Variants in MSRA observed in about 807,000 individuals in gnomAD.
MSRA encodes methionine sulfoxide reductase A.
MSRA carries 54 observed loss-of-function variants against 31.3 expected under a neutral mutation model. The ratio of observed to expected loss-of-function variants is 1.73; its 90% CI spans 1.39 to 2.17. The LOEUF is 2.17. Ranked by LOEUF, MSRA falls within the 30% of genes most tolerant of loss-of-function variation. The pLI, the probability that MSRA is intolerant of heterozygous loss-of-function variation, is 0.00. For synonymous variants in MSRA, 169 were observed against 116.5 expected (o/e 1.45, Z -2.90); for missense variants, 507 against 300.9 (o/e 1.69, Z -5.07).
chr8:10,331,958 C>T (rs1179845841), intron 5 of MSRA, among the ~76,000 whole-genome samples: 4 of 152,180 alleles, frequency 2.6e-5, no homozygotes, highest in East Asian at 3.9e-4. Flanking sequence ...TACGGAGGGC[C>T]GACTGTATCA....
At chr8:10,089,511 C>T (rs550703114) in intron 1 of MSRA, among the ~76,000 whole-genome samples, 28 of 152,322 alleles carry the variant, frequency 1.8e-4, no homozygotes, top group African/African-American at 6.7e-4. Flanking sequence ...TAGAAAGCAG[C>T]ATCTTGTCCA....
chr8:10,237,717 G>A (rs570800829), intron 2 of MSRA, among the ~76,000 whole-genome samples: 32 of 152,218 alleles, frequency 2.1e-4, no homozygotes, highest in African/African-American at 7.2e-4. Flanking sequence ...AGTAATCTTC[G>A]AGTCAGCCAT....
At chr8:10,285,463 C>G (rs1156699984) in intron 3 of MSRA, among the ~76,000 whole-genome samples, 1 of 152,124 alleles carries the variant, frequency 6.6e-6, no homozygotes, top group Non-Finnish European at 1.5e-5. Flanking sequence ...GCATATCCAT[C>G]ACCTCAGACG....
At chr8:10,391,758 T>A (rs4433149) in intron 5 of MSRA, among the ~76,000 whole-genome samples, 60,226 of 152,048 alleles carry the variant, frequency 0.4, 13,073 homozygotes, top group Non-Finnish European at 0.5. Flanking sequence ...AAGAAGAGCA[T>A]TTCATGTCCT....
intron 1 of MSRA, among the ~76,000 whole-genome samples, chr8:10,171,487 G>C (rs1352082077): frequency 6.6e-6 from 1 of 151,880 alleles, no homozygotes; most frequent in Non-Finnish European, 1.5e-5. Flanking sequence ...AGAAAACAAG[G>C]GCCTTACACC....
At chr8:10,092,219 C>A (rs987436834) in intron 1 of MSRA, among the ~76,000 whole-genome samples, 1 of 151,898 alleles carries the variant, frequency 6.6e-6, no homozygotes. Flanking sequence ...TGTGATTTTT[C>A]CTTTCTTTTT....
At chr8:10,104,539 C>T (rs1032290098) in intron 1 of MSRA, among the ~76,000 whole-genome samples, 21 of 151,982 alleles carry the variant, frequency 1.4e-4, no homozygotes, top group South Asian at 2.1e-4. Flanking sequence ...TTTTGATTGG[C>T]GACTGGTTGA....
intron 1 of MSRA, among the ~76,000 whole-genome samples, chr8:10,124,059 G>A (rs1480480088): frequency 6.6e-6 from 1 of 152,102 alleles, no homozygotes; most frequent in East Asian, 2.0e-4. Context: ...AGAGGTCGAG[G>A]GGCTTCTGGT....
chr8:10,147,551 G>A (rs755392470), intron 1 of MSRA, among the ~76,000 whole-genome samples: 3 of 152,160 alleles, frequency 2.0e-5, no homozygotes, highest in Non-Finnish European at 2.9e-5. Context: ...TACGGGTGAC[G>A]CCAACCAACC....
At chr8:10,358,380 ATTCTC>A (rs1804633159) in intron 5 of MSRA, among the ~76,000 whole-genome samples, 1 of 151,988 alleles carries the variant, frequency 6.6e-6, no homozygotes, top group African/African-American at 2.4e-5. Context: ...TAATCCCTCT[ATTCTC>A]TTGTTTCCCC....
Position 10,187,027 on chromosome 8 carries a change from C to A in MSRA, c.143-20806C>A, listed in dbSNP as rs545564532. On this transcript the variant is annotated intron_variant, in intron 1 of 5. Coordinates refer to ENST00000317173, the MANE Select transcript of MSRA (RefSeq NM_012331.5). ...TTCTGTACAATTTCATGAAGTGTTTCTTTCAATTGGGACTTACTTTGAGCT... is the reference window on the plus strand; with the variant it reads ...TTCTGTACAATTTCATGAAGTGTTTATTTCAATTGGGACTTACTTTGAGCT... Among the ~76,000 whole-genome samples, 3 of 152,236 alleles carry A rather than the reference C, an allele frequency of 2.0e-5. No homozygotes were observed. The South Asian group carries it at 6.2e-4, about 32-fold the overall frequency.
intron 1 of MSRA, among the ~76,000 whole-genome samples, chr8:10,076,082 A>G (rs1468509047): frequency 1.9e-5 from 2 of 104,074 alleles, no homozygotes; most frequent in Non-Finnish European, 5.1e-5. Flanking sequence ...GCTGTGCGTC[A>G]TGTGCTTACT....
chr8:10,233,729 C>G (rs73662806), intron 2 of MSRA, among the ~76,000 whole-genome samples: 97 of 152,192 alleles, frequency 6.4e-4, no homozygotes, highest in African/African-American at 2.2e-3. Flanking sequence ...AAAGGGAGTT[C>G]TGGAGAAATA....
intron 1 of MSRA, among the ~76,000 whole-genome samples, chr8:10,079,284 A>G (rs1042899110): frequency 6.6e-6 from 1 of 151,942 alleles, no homozygotes; most frequent in Non-Finnish European, 1.5e-5. Flanking sequence ...TCAGCCTCCC[A>G]CATAGCTGGG....
chr8:10,226,053 C>T (rs1373370668), intron 2 of MSRA, among the ~76,000 whole-genome samples: 3 of 152,190 alleles, frequency 2.0e-5, no homozygotes, highest in Non-Finnish European at 4.4e-5. Flanking sequence ...ATTTCTTAGC[C>T]TCTGGACCTC....
At chr8:10,154,000 C>G (rs1035450461) in intron 1 of MSRA, among the ~76,000 whole-genome samples, 6 of 152,142 alleles carry the variant, frequency 3.9e-5, no homozygotes, top group Non-Finnish European at 5.9e-5. Context: ...GCCTTGTGGT[C>G]AAAGTTTAAA....
chr8:10,423,593 C>G (rs1458319814), intron 5 of MSRA, among the ~76,000 whole-genome samples: 1 of 152,162 alleles, frequency 6.6e-6, no homozygotes. Context: ...TGCTCCTGCA[C>G]CACCCCACTC....
intron 1 of MSRA, among the ~76,000 whole-genome samples, chr8:10,140,252 G>T (rs1802594473): frequency 6.6e-6 from 1 of 152,128 alleles, no homozygotes; most frequent in African/African-American, 2.4e-5. Context: ...CCTTCCTCCA[G>T]TTACAGGGAG....
At chr8:10,244,596 A>C (rs1387707463) in intron 2 of MSRA, among the ~76,000 whole-genome samples, 1 of 152,222 alleles carries the variant, frequency 6.6e-6, no homozygotes, top group African/African-American at 2.4e-5. Context: ...AGTGATTAAA[A>C]AAATGAAAAC....
Sources: allele counts gnomAD v4.1 joint callset (sites outside exome capture counted in the v4.1 genomes callset), GRCh38; gene constraint gnomAD v4.1.1; transcripts MANE v1.5; gene names NCBI Gene and HGNC (gene_info 2026-07-23, HGNC 2026-07-21).